DIP2C: variants seen among roughly 807,000 people sequenced by gnomAD.
The protein encoded by DIP2C is DIP2 acetate--CoA ligase C (putative).
Under a neutral mutation model 192.4 loss-of-function variants are expected in DIP2C, and 33 were observed. That is an observed-to-expected ratio of 0.17 (90% CI 0.13 to 0.23). The LOEUF is 0.23. Among genes scored for constraint, DIP2C ranks in the 10% least tolerant of loss-of-function variants. DIP2C has a pLI of 1.00. For synonymous variants in DIP2C, 979 were observed against 864.1 expected (o/e 1.13, Z -2.33); for missense variants, 1,537 against 2,110.1 (o/e 0.73, Z 5.32).
intron 4 of DIP2C, among the ~76,000 whole-genome samples, chr10:435,144 A>G (rs1259930646): frequency 1.3e-5 from 2 of 152,100 alleles, no homozygotes; most frequent in East Asian, 3.9e-4. Flanking sequence ...GTCGTCCCAT[A>G]GTGCTTGGAT....
chr10:662,007 C>T (rs1233434693), intron 1 of DIP2C: 2 of 713,602 alleles, frequency 2.8e-6, no homozygotes, highest in East Asian at 5.4e-5. Context: ...CTCCTCTCGC[C>T]ATGGCGAGTG....
intron 3 of DIP2C, among the ~76,000 whole-genome samples, chr10:449,796 AAAG>A (rs1259667360): frequency 4.1e-4 from 57 of 140,278 alleles, no homozygotes; most frequent in East Asian, 1.7e-3. Context: ...AAAAAAAAAA[AAAG>A]AAGTAAACAC....
At chr10:627,780 G>C (rs867073413) in intron 1 of DIP2C, among the ~76,000 whole-genome samples, 1 of 152,238 alleles carries the variant, frequency 6.6e-6, no homozygotes, top group Non-Finnish European at 1.5e-5. Context: ...CAGACCGCAC[G>C]GCTCAGCCAC....
At chr10:475,518 T>C (rs1032819988) in intron 2 of DIP2C, among the ~76,000 whole-genome samples, 2 of 152,186 alleles carry the variant, frequency 1.3e-5, no homozygotes, top group Non-Finnish European at 2.9e-5. Context: ...TGGACGATGG[T>C]GCACGGAGTT....
intron 1 of DIP2C, among the ~76,000 whole-genome samples, chr10:565,372 G>C (rs1335277157): frequency 1.0e-5 from 1 of 98,648 alleles, no homozygotes; most frequent in African/African-American, 5.8e-5. Context: ...AAAAAAAAAA[G>C]ACCTAGACAA....
At chr10:505,271 T>TA (rs2130732871) in intron 1 of DIP2C, among the ~76,000 whole-genome samples, 1 of 152,258 alleles carries the variant, frequency 6.6e-6, no homozygotes, top group South Asian at 2.1e-4. Flanking sequence ...CTAGTCCCTC[T>TA]ACAAGGATAT....
intron 3 of DIP2C, among the ~76,000 whole-genome samples, chr10:452,273 C>T (rs1832955336): frequency 6.6e-6 from 1 of 152,158 alleles, no homozygotes; most frequent in African/African-American, 2.4e-5. Context: ...CTGAAGATTC[C>T]GTCAGACTCT....
chr10:617,500 T>C (rs1853548289), intron 1 of DIP2C, among the ~76,000 whole-genome samples: 1 of 152,156 alleles, frequency 6.6e-6, no homozygotes, highest in Admixed American at 6.5e-5. Flanking sequence ...AATCCTTCTA[T>C]GCACCCTCTG....
chr10:459,379 G>GA lies in DIP2C; in HGVS notation c.268+13059_268+13060insT, dbSNP rs1969567796. ...GGAAGCTTGCTGTCCCAGAGGACAC[G>GA]GGACCGGGACATTCTACTGCAAAGG... On this transcript the variant is annotated intron_variant, in intron 3 of 36. Transcript: ENST00000280886. Among the ~76,000 whole-genome samples, 5 of 8,178 alleles carry GA rather than the reference G, an allele frequency of 6.1e-4. No homozygotes were observed. The Non-Finnish European group carries it at 0.048, about 78-fold the overall frequency. The allele number at this position is 8,178 out of a possible 152,430, so 5.4% of individuals were successfully genotyped here.
intron 1 of DIP2C, among the ~76,000 whole-genome samples, chr10:600,593 T>C (rs1852004127): frequency 7.1e-6 from 1 of 141,134 alleles, no homozygotes; most frequent in Admixed American, 7.0e-5. Flanking sequence ...ACAGCAGCCC[T>C]CTCCACCTTA....
At chr10:312,045 A>G (rs537699990) in intron 31 of DIP2C, among the ~76,000 whole-genome samples, 1 of 152,304 alleles carries the variant, frequency 6.6e-6, no homozygotes, top group South Asian at 2.1e-4. Flanking sequence ...CACTAGCTCT[A>G]TCCACCTACA....
intron 19 of DIP2C, 139 bp from the exon 20 acceptor site, chr10:364,721 C>G: frequency 1.1e-6 from 1 of 923,198 alleles, no homozygotes; most frequent in Non-Finnish European, 1.6e-6. Flanking sequence ...GGGCCGAGGT[C>G]ACAGTGACCG....
intron 15 of DIP2C, 29 bp from the exon 16 acceptor site, chr10:384,175 A>G (rs543952741): frequency 6.2e-7 from 1 of 1,604,944 alleles, no homozygotes; most frequent in African/African-American, 1.3e-5. Flanking sequence ...ATAAGTTAAC[A>G]TGTGCCACCG....
intron 1 of DIP2C, among the ~76,000 whole-genome samples, chr10:659,626 C>T (rs1237068299): frequency 6.6e-6 from 1 of 152,194 alleles, no homozygotes; most frequent in East Asian, 1.9e-4. Flanking sequence ...TATTCTCAAA[C>T]TTGAATTGAA....
chr10:532,868 G>A lies in DIP2C; in HGVS notation c.86-46338C>T, dbSNP rs116050571. On this transcript the variant is annotated intron_variant, in intron 1 of 36. Coordinates refer to ENST00000280886, the MANE Select transcript of DIP2C (RefSeq NM_014974.3). ...ACAGAGGTGCTATCACGGTTCAACT[G>A]CAGCCTCAACCTCCCAGGCTTGGGT... Among the ~76,000 whole-genome samples, 495 of 152,222 alleles carry A rather than the reference G, an allele frequency of 3.3e-3. 3 individuals carry two copies. Among genetic ancestry groups the A allele is most frequent in the African/African-American group, 0.011 (471 of 41,532 alleles).
At chr10:470,530 C>T (rs752430029) in intron 3 of DIP2C, among the ~76,000 whole-genome samples, 19 of 152,202 alleles carry the variant, frequency 1.2e-4, no homozygotes, top group Non-Finnish European at 2.4e-4. Flanking sequence ...TCTCCTACTA[C>T]ACCCACCTCT....
chr10:457,152 A>G (rs927470507), intron 3 of DIP2C, among the ~76,000 whole-genome samples: 2 of 152,182 alleles, frequency 1.3e-5, no homozygotes, highest in African/African-American at 4.8e-5. Context: ...TTTGCTCAAG[A>G]GGACAAGCGT....
chr10:543,036 C>A (rs1475583503), intron 1 of DIP2C, among the ~76,000 whole-genome samples: 1 of 152,172 alleles, frequency 6.6e-6, no homozygotes, highest in Non-Finnish European at 1.5e-5. Flanking sequence ...ACACCAATAC[C>A]AAAAGTCAGA....
chr10:406,203 G>T (rs1220112568), intron 9 of DIP2C, among the ~76,000 whole-genome samples: 1 of 152,184 alleles, frequency 6.6e-6, no homozygotes, highest in African/African-American at 2.4e-5. Flanking sequence ...AGATAAAGGA[G>T]CTATTCCATT....
Sources: allele counts gnomAD v4.1 joint callset (sites outside exome capture counted in the v4.1 genomes callset), GRCh38; gene constraint gnomAD v4.1.1; transcripts MANE v1.5; gene names NCBI Gene and HGNC (gene_info 2026-07-23, HGNC 2026-07-21).